RAD51B: variants seen among roughly 807,000 people sequenced by gnomAD.
RAD51B encodes the protein DNA repair protein RAD51 homolog 2.
RAD51B carries 38 observed loss-of-function variants against 42.2 expected under a neutral mutation model. That is an observed-to-expected ratio of 0.90 (90% CI 0.70 to 1.18). The LOEUF (loss-of-function observed/expected upper bound fraction) is 1.18. Ranked by LOEUF, RAD51B falls within the 50% of genes most tolerant of loss-of-function variation. RAD51B has a pLI of 0.00. For synonymous variants in RAD51B, 154 were observed against 145.2 expected (o/e 1.06, Z -0.43); for missense variants, 373 against 400.7 (o/e 0.93, Z 0.59).
At chr14:68,432,396 G>A (rs940774833) in intron 9 of RAD51B, among the ~76,000 whole-genome samples, 11 of 152,310 alleles carry the variant, frequency 7.2e-5, no homozygotes, top group African/African-American at 2.2e-4. Context: ...AAGTCCCTTT[G>A]TAGTTCTCTA....
rs140438999 is a variant in RAD51B at position 68,409,872 on chromosome 14, T to G, written c.854-1552T>G. Among the ~76,000 whole-genome samples, 461 of 152,362 alleles carry G rather than the reference T, an allele frequency of 3.0e-3. 2 individuals carry two copies. Among genetic ancestry groups the G allele is most frequent in the African/African-American group, 0.011 (437 of 41,574 alleles). On this transcript the variant is annotated intron_variant, in intron 8 of 10. Transcript: ENST00000471583. ...ACATTAATTTGTGCATATTTTGAAT[T>G]GTGTGCATAATGAACTGAGGTTACC...
At chr14:68,562,834 G>C in intron 10 of RAD51B, 1 of 985,406 alleles carries the variant, frequency 1.0e-6, no homozygotes, top group Non-Finnish European at 1.2e-6. Flanking sequence ...CAAGGCCAGA[G>C]AAGTGAAAAT....
At chr14:68,315,304 A>T (rs2082034418) in intron 8 of RAD51B, among the ~76,000 whole-genome samples, 1 of 152,182 alleles carries the variant, frequency 6.6e-6, no homozygotes, top group Non-Finnish European at 1.5e-5. Flanking sequence ...TTTCTTCCAC[A>T]TAGGAGATTA....
chr14:68,555,089 G>A (rs907763053), intron 10 of RAD51B, among the ~76,000 whole-genome samples: 25 of 151,962 alleles, frequency 1.6e-4, no homozygotes, highest in African/African-American at 3.6e-4. Context: ...CTCGTGATCC[G>A]CCCGCCTCAG....
intron 10 of RAD51B, among the ~76,000 whole-genome samples, chr14:68,472,490 G>T (rs3784127): frequency 1.3e-5 from 2 of 152,104 alleles, no homozygotes; most frequent in African/African-American, 4.8e-5. Context: ...GGGAATGAAG[G>T]GTTGATCTAG....
intron 7 of RAD51B, among the ~76,000 whole-genome samples, chr14:67,962,012 T>C (rs2074680216): frequency 6.6e-6 from 1 of 152,182 alleles, no homozygotes; most frequent in Non-Finnish European, 1.5e-5. Context: ...TGAGTTCATA[T>C]TGTTAAAAAG....
At chr14:68,090,931 T>C (rs1173177411) in intron 7 of RAD51B, among the ~76,000 whole-genome samples, 3 of 141,676 alleles carry the variant, frequency 2.1e-5, no homozygotes, top group African/African-American at 7.8e-5. Flanking sequence ...AATTCCCACC[T>C]ATGAGTGAGA....
Position 67,869,717 on chromosome 14 carries a change from A to G in RAD51B, c.452+4578A>G, listed in dbSNP as rs997322958. Among the ~76,000 whole-genome samples, 598 of 152,346 alleles carry G rather than the reference A, an allele frequency of 3.9e-3. 17 individuals are homozygous for G. Among genetic ancestry groups the G allele is most frequent in the Admixed American group, 0.035 (537 of 15,300 alleles). Reference sequence around the variant, plus strand: ...TCGGGTTACCCTCAAAGGGAAGCCCATCAGACTAACAGCAGATCTCTTGGC... The same window carrying G: ...TCGGGTTACCCTCAAAGGGAAGCCCGTCAGACTAACAGCAGATCTCTTGGC... On this transcript the variant is annotated intron_variant, in intron 5 of 10. Coordinates refer to ENST00000471583, the MANE Select transcript of RAD51B (RefSeq NM_133510.4).
At chr14:68,196,081 G>A (rs1412727563) in intron 7 of RAD51B, among the ~76,000 whole-genome samples, 1 of 151,380 alleles carries the variant, frequency 6.6e-6, no homozygotes, top group African/African-American at 2.4e-5. Context: ...GCAGGCGCCT[G>A]TAGTCCCAGC....
At chr14:68,301,858 A>G (rs2081747938) in intron 8 of RAD51B, among the ~76,000 whole-genome samples, 1 of 152,086 alleles carries the variant, frequency 6.6e-6, no homozygotes, top group South Asian at 2.1e-4. Context: ...TGGCCTCCCA[A>G]ATTGGTGGGA....
At chr14:67,933,016 G>A (rs1273982970) in intron 7 of RAD51B, among the ~76,000 whole-genome samples, 1 of 152,208 alleles carries the variant, frequency 6.6e-6, no homozygotes, top group Non-Finnish European at 1.5e-5. Context: ...ATTGGTGCAG[G>A]CAGGGTCACT....
chr14:67,885,160 AC>A (rs2043025815), intron 5 of RAD51B, among the ~76,000 whole-genome samples: 1 of 152,208 alleles, frequency 6.6e-6, no homozygotes, highest in Admixed American at 6.5e-5. Context: ...AAACTCAAAG[AC>A]TTATATTTTT....
intron 7 of RAD51B, among the ~76,000 whole-genome samples, chr14:68,059,800 A>C (rs747649095): frequency 6.6e-6 from 1 of 152,148 alleles, no homozygotes; most frequent in African/African-American, 2.4e-5. Context: ...TATCATATCC[A>C]TTTTCATATA....
chr14:68,595,996 C>A (rs1311021993), exon 11 of RAD51B: 11 of 919,934 alleles, frequency 1.2e-5, no homozygotes, highest in Non-Finnish European at 1.5e-5. Context: ...CATGCATGTT[C>A]CCAAAATCAG....
intron 8 of RAD51B, among the ~76,000 whole-genome samples, chr14:68,357,582 A>G (rs1249425183): frequency 1.3e-5 from 2 of 152,038 alleles, no homozygotes; most frequent in South Asian, 2.1e-4. Context: ...AGCCTTACAA[A>G]TTGTATTTCT....
At chr14:68,068,225 A>G (rs925914975) in intron 7 of RAD51B, among the ~76,000 whole-genome samples, 1 of 152,190 alleles carries the variant, frequency 6.6e-6, no homozygotes, top group African/African-American at 2.4e-5. Context: ...TAATTGTAGA[A>G]TATCTTCATC....
intron 5 of RAD51B, among the ~76,000 whole-genome samples, chr14:67,883,489 G>A (rs1487438429): frequency 6.6e-6 from 1 of 152,044 alleles, no homozygotes; most frequent in Non-Finnish European, 1.5e-5. Flanking sequence ...CCACATGTAA[G>A]CTTTTGCACT....
At chr14:67,990,085 C>T (rs2075269480) in intron 7 of RAD51B, among the ~76,000 whole-genome samples, 1 of 149,660 alleles carries the variant, frequency 6.7e-6, no homozygotes, top group Non-Finnish European at 1.5e-5. Flanking sequence ...GCAACCTCTA[C>T]CTCCTGTGTT....
intron 11 of RAD51B, among the ~76,000 whole-genome samples, chr14:68,651,362 A>G (rs1339180244): frequency 2.0e-5 from 3 of 152,126 alleles, no homozygotes; most frequent in Admixed American, 6.5e-5. Context: ...ATGTAAAGAT[A>G]AGGTTTTGCC....
Sources: gnomAD v4.1 joint callset for allele counts (sites outside exome capture counted in the v4.1 genomes callset) on GRCh38, gnomAD v4.1.1 for gene constraint, MANE v1.5 for transcripts, NCBI Gene and HGNC (gene_info 2026-07-23, HGNC 2026-07-21) for gene names.